HOMER1: variants seen among roughly 807,000 people sequenced by gnomAD.
The protein encoded by HOMER1 is homer protein homolog 1.
A neutral mutation model predicts 48.9 loss-of-function variants in HOMER1; 3 were observed. The ratio of observed to expected loss-of-function variants is 0.06; its 90% confidence interval spans 0.03 to 0.16. The LOEUF (loss-of-function observed/expected upper bound fraction) is 0.16, where lower values mean the gene tolerates loss of function less well. Ranked by LOEUF, HOMER1 falls within the 10% of genes least tolerant of loss-of-function variation. The pLI is 1.00. For missense variants in HOMER1, 247 were observed against 411.4 expected (o/e 0.60, Z 3.46); for synonymous variants, 134 against 146.4 (o/e 0.92, Z 0.61).
At chr5:79,475,268 A>ACTGTCTGGCTCTAGAGCCCCTATC (rs1554061925) in intron 1 of HOMER1, among the ~76,000 whole-genome samples, 14 of 151,108 alleles carry the variant, frequency 9.3e-5, no homozygotes, top group Middle Eastern at 3.4e-3. Context: ...GAGCCGGCAC[A>ACTGTCTGGCTCTAGAGCCCCTATC]CTGTCTGGCT....
chr5:79,499,922 C>T lies in HOMER1; in HGVS notation c.5+12848G>A, dbSNP rs925750818. ...ATTTTTCATCCTTTTTAGGGCAATA[C>T]CATAAACTTTGAATAACACCACGAG... On this transcript the variant is annotated intron_variant, in intron 1 of 8. Coordinates refer to ENST00000334082, the MANE Select transcript of HOMER1 (RefSeq NM_004272.5). 5.3e-5 allele frequency among the ~76,000 whole-genome samples: 8 copies of T among 152,014 alleles called. No individual in the cohort carries two copies. The East Asian group carries it at 5.8e-4, about 11-fold the overall frequency.
At chr5:79,400,372 T>C (rs1473116595) in intron 6 of HOMER1, among the ~76,000 whole-genome samples, 1 of 150,650 alleles carries the variant, frequency 6.6e-6, no homozygotes, top group Non-Finnish European at 1.5e-5. Flanking sequence ...TTTTTTTTTC[T>C]GAGATAAGGC....
chr5:79,436,424 T>C (rs753254706), intron 5 of HOMER1, among the ~76,000 whole-genome samples: 2 of 152,206 alleles, frequency 1.3e-5, no homozygotes, highest in African/African-American at 2.4e-5. Context: ...ATCAGAGAGC[T>C]GAGTTGTAGA....
chr5:79,390,232 T>A (rs7733018), intron 8 of HOMER1, among the ~76,000 whole-genome samples: 11,088 of 152,084 alleles, frequency 0.073, 1,332 homozygotes, highest in African/African-American at 0.25. Flanking sequence ...ACTGTAGGAA[T>A]CTGTGATTGT....
Position 79,513,067 on chromosome 5 carries a change from GA to G in HOMER1, c.-294del. The G allele has an allele frequency of 2.2e-6, 1 of 457,164 alleles. No homozygotes were observed. The highest frequency in any genetic ancestry group is 3.1e-5 in the South Asian group (1 of 31,886). The allele number at this position is 457,164 out of a possible 1,614,324, so 28.3% of individuals were successfully genotyped here. A position where few individuals can be genotyped will look rare whatever the true frequency, so the allele number is the denominator to read the frequency against. On this transcript the variant is annotated 5_prime_UTR_variant, in exon 1 of 9. Transcript: ENST00000334082. ...TCCACAAAATGAGTCTACAAGTAGG[GA>G]AATGCAGAATCCGGCTTCACCGAGT...
chr5:79,381,128 C>T (rs1748959739), intron 8 of HOMER1, among the ~76,000 whole-genome samples: 1 of 152,188 alleles, frequency 6.6e-6, no homozygotes, highest in African/African-American at 2.4e-5. Context: ...CCCACTGGTA[C>T]CACCATCAGG....
intron 1 of HOMER1, among the ~76,000 whole-genome samples, chr5:79,500,562 T>C (rs1244717488): frequency 6.6e-6 from 1 of 152,092 alleles, no homozygotes; most frequent in Non-Finnish European, 1.5e-5. Context: ...GCCTACTCAG[T>C]GTGAAGACAA....
intron 1 of HOMER1, among the ~76,000 whole-genome samples, chr5:79,475,935 T>C (rs1047130211): frequency 1.3e-5 from 2 of 152,226 alleles, no homozygotes; most frequent in Admixed American, 6.5e-5. Context: ...ATGTTGCTTG[T>C]ACTATCCCAC....
chr5:79,407,354 G>T (rs1290365358), intron 5 of HOMER1, among the ~76,000 whole-genome samples: 1 of 151,532 alleles, frequency 6.6e-6, no homozygotes, highest in Non-Finnish European at 1.5e-5. Context: ...AAGAAAGAAA[G>T]CAATCAACAG....
chr5:79,488,904 G>A lies in HOMER1; in HGVS notation c.5+23866C>T, dbSNP rs576163696. Among the ~76,000 whole-genome samples, 5 of 152,280 alleles carry A rather than the reference G, an allele frequency of 3.3e-5. 1 individual carries two copies. The South Asian group carries it at 1.0e-3, about 32-fold the overall frequency. ...GGAGCCAGAATTCAAACCTAGATCT[G>A]ATGGTAAGCCAAACAGCCTCTTAAA... On this transcript the variant is annotated intron_variant, in intron 1 of 8. Coordinates refer to ENST00000334082, the MANE Select transcript of HOMER1 (RefSeq NM_004272.5).
intron 2 of HOMER1, among the ~76,000 whole-genome samples, chr5:79,453,139 C>T (rs1224767456): frequency 6.6e-6 from 1 of 152,156 alleles, no homozygotes; most frequent in African/African-American, 2.4e-5. Context: ...CCAATGTAAT[C>T]TCAGACAGTA....
chr5:79,483,933 A>T (rs200428047), intron 1 of HOMER1, among the ~76,000 whole-genome samples: 5 of 151,292 alleles, frequency 3.3e-5, no homozygotes, highest in Non-Finnish European at 7.4e-5. Context: ...GGGTGCATGT[A>T]ATCTCGGGAG....
chr5:79,505,358 T>C (rs1387579444), intron 1 of HOMER1, among the ~76,000 whole-genome samples: 2 of 152,206 alleles, frequency 1.3e-5, no homozygotes, highest in African/African-American at 4.8e-5. Context: ...CTCTGGACTC[T>C]GAGGCATGTG....
At chr5:79,435,784 T>C (rs1561362943) in intron 5 of HOMER1, among the ~76,000 whole-genome samples, 1 of 150,672 alleles carries the variant, frequency 6.6e-6, no homozygotes. Flanking sequence ...TGAGCCAAGA[T>C]TGAGCCATTG....
intron 5 of HOMER1, among the ~76,000 whole-genome samples, chr5:79,437,969 A>G (rs1446391605): frequency 6.6e-6 from 1 of 151,926 alleles, no homozygotes; most frequent in African/African-American, 2.4e-5. Context: ...TCCTTAAAAA[A>G]CCTTAACTAA....
At chr5:79,376,737 A>C (rs1748781470) in intron 8 of HOMER1, among the ~76,000 whole-genome samples, 1 of 152,218 alleles carries the variant, frequency 6.6e-6, no homozygotes, top group African/African-American at 2.4e-5. Context: ...GTATATGTAG[A>C]GAGTATCACT....
chr5:79,510,269 G>A (rs1223215248), intron 1 of HOMER1, among the ~76,000 whole-genome samples: 3 of 151,866 alleles, frequency 2.0e-5, no homozygotes. Context: ...ATTAACTAAA[G>A]GGCAGATACA....
chr5:79,446,072 G>C (rs1325565385), intron 4 of HOMER1, among the ~76,000 whole-genome samples: 1 of 152,106 alleles, frequency 6.6e-6, no homozygotes, highest in Non-Finnish European at 1.5e-5. Context: ...CTCCCCTCTA[G>C]GGCTAGCTAA....
chr5:79,480,318 A>C (rs1454345072), intron 1 of HOMER1, among the ~76,000 whole-genome samples: 2 of 152,098 alleles, frequency 1.3e-5, no homozygotes, highest in African/African-American at 4.8e-5. Flanking sequence ...TCTCATTTAC[A>C]TTTCAAACAA....
Sources: gnomAD v4.1 joint callset for allele counts (sites outside exome capture counted in the v4.1 genomes callset) on GRCh38, gnomAD v4.1.1 for gene constraint, MANE v1.5 for transcripts, NCBI Gene and HGNC (gene_info 2026-07-23, HGNC 2026-07-21) for gene names.